Variants in ZNF346 observed in about 807,000 individuals in gnomAD.
ZNF346 encodes double-stranded RNA-binding zinc finger protein JAZ.
A neutral mutation model predicts 33.7 loss-of-function variants in ZNF346; 23 were observed. The ratio of observed to expected loss-of-function variants is 0.68; its 90% confidence interval spans 0.49 to 0.97. The LOEUF (loss-of-function observed/expected upper bound fraction) is 0.97, where lower values mean the gene tolerates loss of function less well. Ranked by LOEUF, ZNF346 falls within the 50% of genes least tolerant of loss-of-function variation. ZNF346 has a pLI of 0.00. For synonymous variants in ZNF346, 134 were observed against 142.4 expected, an observed-to-expected ratio of 0.94 and a Z score of 0.42; for missense variants, 340 against 371.1, an observed-to-expected ratio of 0.92 and a Z score of 0.69.
At chr5:177,053,243 G>C (rs1285405230) in intron 5 of ZNF346, among the ~76,000 whole-genome samples, 1 of 150,318 alleles carries the variant, frequency 6.7e-6, no homozygotes, top group African/African-American at 2.5e-5. Flanking sequence ...TTGAACCCGG[G>C]AGGTGGAGGT....
chr5:177,047,340 G>GTTTTTTT (rs113091804), intron 4 of ZNF346, among the ~76,000 whole-genome samples: 3 of 137,360 alleles, frequency 2.2e-5, no homozygotes, highest in Non-Finnish European at 4.8e-5. Flanking sequence ...TTTGTTTTTT[G>GTTTTTTT]TTTTTTTTTT....
intron 6 of ZNF346, 131 bp downstream of exon 6, chr5:177,062,282 CAT>C: frequency 1.4e-6 from 1 of 709,994 alleles, no homozygotes; most frequent in Non-Finnish European, 2.5e-6. Flanking sequence ...GAAGATGAAT[CAT>C]GTAACAGGAA....
chr5:177,081,127 G>A (rs1197001429), exon 9 of ZNF346: 1 of 151,510 alleles, frequency 6.6e-6, no homozygotes, highest in Non-Finnish European at 1.5e-5. Flanking sequence ...TGAGCAGCTG[G>A]GTATGGTATG....
downstream of ZNF346, among the ~76,000 whole-genome samples, chr5:177,070,499 A>T (rs1238927987): frequency 6.6e-6 from 1 of 151,996 alleles, no homozygotes; most frequent in Non-Finnish European, 1.5e-5. Flanking sequence ...AGGTTCTGGG[A>T]AGCAAGCAGC....
chr5:177,044,265 T>C, intron 3 of ZNF346, 124 bp from the exon 4 acceptor site: 1 of 1,015,342 alleles, frequency 9.8e-7, no homozygotes, highest in East Asian at 2.5e-5. Context: ...ATCTAGAAAG[T>C]AGGTTGGGGT....
At chr5:177,026,542 A>G (rs1232668655) in intron 1 of ZNF346, among the ~76,000 whole-genome samples, 1 of 151,338 alleles carries the variant, frequency 6.6e-6, no homozygotes, top group African/African-American at 2.4e-5. Context: ...TTGTATTTTT[A>G]GTAGAGACAG....
intron 1 of ZNF346, among the ~76,000 whole-genome samples, chr5:177,028,496 T>TTATATATATATATATATATATATATA (rs150044807): frequency 0.018 from 1,639 of 90,002 alleles, 71 homozygotes; most frequent in Middle Eastern, 0.027. Context: ...TTGTGACGTT[T>TTATATATATATATATATATATATATA]TATATATATA....
intron 8 of ZNF346, among the ~76,000 whole-genome samples, chr5:177,074,155 A>C (rs114435834): frequency 6.8e-4 from 103 of 152,322 alleles, no homozygotes; most frequent in Admixed American, 2.0e-3. Flanking sequence ...TGTTTTAAAT[A>C]ATTAAGTTTG....
At position 177,047,013 on chromosome 5, in the gene ZNF346, A is replaced by T. The variant is rs543609235; in HGVS notation, c.517+2480A>T. On this transcript the variant is annotated intron_variant, in intron 4 of 6. Transcript: ENST00000358149. ...TATGGATTACACGTGTGGGGTTTTTAAAATTTTTTTATTTATTTTTATTTA... is the reference window on the plus strand; with the variant it reads ...TATGGATTACACGTGTGGGGTTTTTTAAATTTTTTTATTTATTTTTATTTA... Among the ~76,000 whole-genome samples, 8 of 146,874 alleles carry T rather than the reference A, an allele frequency of 5.4e-5. No homozygotes were observed. The East Asian group carries it at 7.7e-4, about 14-fold the overall frequency.
At chr5:177,042,921 A>G (rs770876880) in intron 3 of ZNF346, among the ~76,000 whole-genome samples, 7 of 152,102 alleles carry the variant, frequency 4.6e-5, no homozygotes, top group Non-Finnish European at 2.9e-5. Flanking sequence ...GCACGATCTC[A>G]GCTCACTGCA....
At chr5:177,081,093 A>G (rs75865403) in exon 9 of ZNF346, 3,136 of 151,526 alleles carry the variant, frequency 0.021, 39 homozygotes, top group South Asian at 0.05. Flanking sequence ...AAAAAAAGAA[A>G]TGGTAATGAA....
intron 8 of ZNF346, among the ~76,000 whole-genome samples, chr5:177,073,928 G>T (rs1235873495): frequency 1.3e-5 from 2 of 152,100 alleles, no homozygotes; most frequent in African/African-American, 2.4e-5. Flanking sequence ...TCCAAGGTTA[G>T]GACTTAAGTG....
In ZNF346 at chr5:177,075,555, T is replaced by TCCCCCAGGCTGGAGTG. The variant is rs1299880083; in HGVS notation, c.*3-3825_*3-3810dup. Among the ~76,000 whole-genome samples the TCCCCCAGGCTGGAGTG allele has an allele frequency of 1.1e-4, 16 of 152,312 alleles. No homozygotes were observed. In the East Asian group the frequency reaches 2.1e-3, roughly 20 times the overall value. The stretch of plus-strand genomic sequence containing the variant: ...TTGATTGACTCAAGGTCTTGCTGTG[T>TCCCCCAGGCTGGAGTG]CCCCCAGGCTGGAGTGCATGGCACA... On this transcript the variant is annotated intron_variant, in intron 8 of 8. Transcript: ENST00000503039.
At chr5:177,071,674 G>C (rs1344550508), downstream of ZNF346, among the ~76,000 whole-genome samples, 1 of 122,692 alleles carries the variant, frequency 8.2e-6, no homozygotes, top group Non-Finnish European at 1.6e-5. Context: ...GACAGAGCGA[G>C]ACTCTGTCTC....
At chr5:177,062,177 A>G (rs769518414) in intron 6 of ZNF346, 26 bp downstream of exon 6, 3 of 1,600,476 alleles carry the variant, frequency 1.9e-6, no homozygotes, top group Non-Finnish European at 2.6e-6. Flanking sequence ...TTGAAATTCT[A>G]GGATCCATAG....
chr5:177,073,828 A>AG (rs34734185), intron 8 of ZNF346, among the ~76,000 whole-genome samples: 13,936 of 68,878 alleles, frequency 0.2, 904 homozygotes, highest in Non-Finnish European at 0.36. Context: ...CGGGCGGGGG[A>AG]GGGGGGGGGT....
intron 5 of ZNF346, among the ~76,000 whole-genome samples, chr5:177,055,730 C>T (rs1250829230): frequency 6.6e-6 from 1 of 152,020 alleles, no homozygotes; most frequent in Non-Finnish European, 1.5e-5. Flanking sequence ...CACTTGAGGT[C>T]GGGAGTTCGA....
chr5:177,077,486 C>G lies in ZNF346; in HGVS notation c.*3-1896C>G, dbSNP rs1783808240. Reference sequence around the variant, plus strand: ...CTTGGCCCTCTTGTTTCCTTTATTGCTGTCTTTCACAGAGAAGCTCTCCCA... The same window carrying G: ...CTTGGCCCTCTTGTTTCCTTTATTGGTGTCTTTCACAGAGAAGCTCTCCCA... On this transcript the variant is annotated intron_variant, in intron 8 of 8. Transcript: ENST00000503039. This position sits in a 1 kb window ranked among gnomAD's most constrained non-coding sequence, Gnocchi z 5.0. Among the ~76,000 whole-genome samples, 1 of 152,188 alleles carries G rather than the reference C, an allele frequency of 6.6e-6. No individual in the cohort carries two copies. Among genetic ancestry groups the G allele is most frequent in the African/African-American group, 2.4e-5 (1 of 41,458 alleles).
intron 4 of ZNF346, among the ~76,000 whole-genome samples, chr5:177,046,379 C>G (rs1780053854): frequency 6.6e-6 from 1 of 151,602 alleles, no homozygotes; most frequent in Non-Finnish European, 1.5e-5. Flanking sequence ...CTGCATTATG[C>G]CTTGTCCCTG....
Sources: allele counts gnomAD v4.1 joint callset (sites outside exome capture counted in the v4.1 genomes callset), GRCh38; gene constraint gnomAD v4.1.1; non-coding constraint Gnocchi (gnomAD v3.1); transcripts MANE v1.5; gene names NCBI Gene and HGNC (gene_info 2026-07-23, HGNC 2026-07-21).